CTBP2: variants seen among roughly 807,000 people sequenced by gnomAD.
The protein encoded by CTBP2 is C-terminal-binding protein 2.
A neutral mutation model predicts 80.3 loss-of-function variants in CTBP2; 30 were observed. The ratio of observed to expected loss-of-function variants is 0.37; its 90% CI spans 0.28 to 0.51. The LOEUF is 0.51. Ranked by LOEUF, CTBP2 falls within the 20% of genes least tolerant of loss-of-function variation. The probability of loss-of-function intolerance (pLI) is 0.93; values close to 1 mark genes in which losing one functional copy is unlikely to be tolerated. For missense variants in CTBP2, 1,212 were observed against 1,375.3 expected (o/e 0.88, Z 1.88); for synonymous variants, 594 against 587.4 (o/e 1.01, Z -0.16).
At chr10:125,053,977 CG>C (rs1963355600) in intron 2 of CTBP2, among the ~76,000 whole-genome samples, 1 of 152,058 alleles carries the variant, frequency 6.6e-6, no homozygotes, top group Non-Finnish European at 1.5e-5. Context: ...CTGGGGAATC[CG>C]AAGCCGGATA....
chr10:125,105,496 TGAAAGTAACCAGGCTC>T (rs1324000193), intron 2 of CTBP2, among the ~76,000 whole-genome samples: 2 of 152,176 alleles, frequency 1.3e-5, no homozygotes, highest in Non-Finnish European at 2.9e-5. Context: ...CTAAAATTAC[TGAAAGTAACCAGGCTC>T]TTGCACTTCT....
At chr10:125,073,246 CT>C (rs200706337) in intron 2 of CTBP2, among the ~76,000 whole-genome samples, 1 of 152,076 alleles carries the variant, frequency 6.6e-6, no homozygotes, top group Non-Finnish European at 1.5e-5. Flanking sequence ...CTGCATCTCT[CT>C]TTTTTTTGAG....
chr10:125,144,428 T>A (rs1272764756), intron 1 of CTBP2, among the ~76,000 whole-genome samples: 1 of 152,208 alleles, frequency 6.6e-6, no homozygotes, highest in Non-Finnish European at 1.5e-5. Flanking sequence ...GGGTTGTTAC[T>A]AAAAATAAAA....
chr10:125,095,129 G>T (rs1269544429), intron 2 of CTBP2, among the ~76,000 whole-genome samples: 1 of 152,116 alleles, frequency 6.6e-6, no homozygotes, highest in Non-Finnish European at 1.5e-5. Flanking sequence ...TTTTAGGGTA[G>T]GTCTCTCAAC....
intron 1 of CTBP2, among the ~76,000 whole-genome samples, chr10:125,144,222 C>T (rs1858340401): frequency 6.6e-6 from 1 of 152,222 alleles, no homozygotes; most frequent in South Asian, 2.1e-4. Flanking sequence ...TCCTGCTTCC[C>T]TTCTGGCCTT....
At chr10:125,072,634 G>GAAAAAA (rs55742060) in intron 2 of CTBP2, among the ~76,000 whole-genome samples, 95 of 100,130 alleles carry the variant, frequency 9.5e-4, no homozygotes, top group African/African-American at 1.9e-3. Flanking sequence ...AAAAAGAAAA[G>GAAAAAA]AAAAAAAAAA....
At chr10:125,143,301 A>T (rs1031526353) in intron 1 of CTBP2, among the ~76,000 whole-genome samples, 1 of 152,278 alleles carries the variant, frequency 6.6e-6, no homozygotes, top group African/African-American at 2.4e-5. Context: ...CAGCCTGACC[A>T]ACATGGTGAA....
chr10:124,990,198 C>T (rs1374452479), intron 8 of CTBP2, among the ~76,000 whole-genome samples: 2 of 152,100 alleles, frequency 1.3e-5, no homozygotes, highest in Non-Finnish European at 2.9e-5. Context: ...GTGTGCGCTA[C>T]CACACCCGGC....
chr10:125,161,643 G>A (rs1289305124), upstream of CTBP2, among the ~76,000 whole-genome samples: 4 of 152,152 alleles, frequency 2.6e-5, no homozygotes, highest in Non-Finnish European at 4.4e-5. Flanking sequence ...TGGGTGCGCA[G>A]GGAAGGGCCC....
In CTBP2 at chr10:125,066,988, G is replaced by C. The variant is rs1298674432; in HGVS notation, c.-101-27833C>G. Among the ~76,000 whole-genome samples, 1 of 152,126 alleles carries C rather than the reference G, an allele frequency of 6.6e-6. No individual in the cohort carries two copies. The highest frequency in any genetic ancestry group is 1.5e-5 in the Non-Finnish European group (1 of 68,042). The stretch of plus-strand genomic sequence containing the variant: ...TCCTGAAGTCCCCGCCTGACCACCA[G>C]GCCCAGGTATAAGGGAAGGGCGACT... On this transcript the variant is annotated intron_variant, in intron 2 of 10. Coordinates refer to the CTBP2 transcript ENST00000337195. The surrounding 1 kb of genome is among the most constrained non-coding windows in gnomAD (Gnocchi z 4.1).
At chr10:125,075,491 C>G (rs1034572122) in intron 2 of CTBP2, among the ~76,000 whole-genome samples, 1 of 152,156 alleles carries the variant, frequency 6.6e-6, no homozygotes. Context: ...TCGCCAGATG[C>G]CAACCTTGTG....
At chr10:125,136,902 T>C (rs1191920372) in intron 1 of CTBP2, among the ~76,000 whole-genome samples, 1 of 152,144 alleles carries the variant, frequency 6.6e-6, no homozygotes, top group Non-Finnish European at 1.5e-5. Context: ...CCCAGGGCCT[T>C]GAAAGAGCCG....
At chr10:125,050,788 A>AG (rs1479573091) in intron 2 of CTBP2, among the ~76,000 whole-genome samples, 1 of 152,228 alleles carries the variant, frequency 6.6e-6, no homozygotes, top group East Asian at 1.9e-4. Context: ...AGAATGTTCC[A>AG]GGCTATAGCT....
chr10:125,149,134 A>G (rs1014379537), intron 1 of CTBP2, among the ~76,000 whole-genome samples: 1 of 152,138 alleles, frequency 6.6e-6, no homozygotes, highest in Non-Finnish European at 1.5e-5. Context: ...AGGACAGGGG[A>G]CACACCATAG....
At chr10:125,144,401 C>T (rs571956516) in intron 1 of CTBP2, among the ~76,000 whole-genome samples, 7 of 152,338 alleles carry the variant, frequency 4.6e-5, no homozygotes, top group Admixed American at 2.6e-4. Flanking sequence ...GGGAAATAAT[C>T]GCACTGCCTC....
chr10:125,072,280 A>G (rs1845600938), intron 2 of CTBP2, among the ~76,000 whole-genome samples: 1 of 151,418 alleles, frequency 6.6e-6, no homozygotes, highest in Non-Finnish European at 1.5e-5. Flanking sequence ...CAAAAAAGAA[A>G]AAGGAATCCA....
intron 1 of CTBP2, among the ~76,000 whole-genome samples, chr10:125,150,833 A>C (rs1312157692): frequency 1.3e-5 from 2 of 148,406 alleles, no homozygotes; most frequent in South Asian, 2.2e-4. Flanking sequence ...GTGAATATTC[A>C]CAACAGCCTG....
At chr10:125,107,649 G>C (rs1234970362) in intron 2 of CTBP2, among the ~76,000 whole-genome samples, 1 of 152,218 alleles carries the variant, frequency 6.6e-6, no homozygotes, top group East Asian at 1.9e-4. Context: ...TGGAAATCCA[G>C]CCTAGTTCCC....
chr10:125,028,568 C>T (rs3781403), upstream of CTBP2, among the ~76,000 whole-genome samples: 9,542 of 152,312 alleles, frequency 0.063, 352 homozygotes, highest in African/African-American at 0.087. Flanking sequence ...AACAGGTTTC[C>T]GAGCTCAAGC....
Sources: gnomAD v4.1 joint callset for allele counts (sites outside exome capture counted in the v4.1 genomes callset) on GRCh38, gnomAD v4.1.1 for gene constraint, Gnocchi (gnomAD v3.1) non-coding constraint, MANE v1.5 for transcripts, NCBI Gene and HGNC (gene_info 2026-07-23, HGNC 2026-07-21) for gene names.